Variants in ZNF33A observed in about 807,000 individuals in gnomAD.
ZNF33A encodes the protein brain my041 protein.
A neutral mutation model predicts 15.9 loss-of-function variants in ZNF33A; 9 were observed. The observed-to-expected ratio is 0.57, with a 90% CI of 0.34 to 0.99. The LOEUF is 0.99. ZNF33A is among the 50% of genes least tolerant of loss of function. The pLI is 0.02. For missense variants in ZNF33A, 843 were observed against 941.6 expected (o/e 0.90, Z 1.37); for synonymous variants, 294 against 324.2 (o/e 0.91, Z 1.00).
In ZNF33A at chr10:38,054,762, A is replaced by ATGCTTT; in HGVS notation, c.638_639insTGCTTT (p.Gln213delinsHisAlaLeu). On this transcript the variant is annotated protein_altering_variant, in exon 5 of 5. Transcript: ENST00000432900. ...GAGACTTTGCAGCATGAGAAGATTC[A>ATGCTTT]AACTTTAGAGCACAATTTTGAATAC... is the stretch of plus-strand genomic sequence containing the variant. 1.2e-6 allele frequency: 2 copies of ATGCTTT among 1,613,624 alleles called. No homozygotes were observed. Among genetic ancestry groups the ATGCTTT allele is most frequent in the Non-Finnish European group, 1.7e-6 (2 of 1,179,916 alleles).
In ZNF33A at chr10:38,014,047, T is replaced by G. The variant is rs2064330355; in HGVS notation, c.9+1697T>G. 5.8e-5 allele frequency among the ~76,000 whole-genome samples: 6 copies of G among 102,890 alleles called. No homozygotes were observed. In the South Asian group the frequency reaches 1.8e-3, roughly 31 times the overall value. 67.5% of individuals were successfully genotyped at this position (102,890 alleles called of 152,430 possible). ...TTAATGATGTCTGATTTTTTTTTTT[T>G]TTTTTTTTTTTTTTTTGGAGAGAGT... On this transcript the variant is annotated intron_variant, in intron 2 of 4. Transcript: ENST00000432900.
At chr10:38,012,660 G>C (rs1260571629) in intron 2 of ZNF33A, among the ~76,000 whole-genome samples, 7 of 152,090 alleles carry the variant, frequency 4.6e-5, no homozygotes, top group African/African-American at 1.7e-4. Context: ...GCAAACTCCT[G>C]AGCTCAGTCA....
At chr10:38,021,363 T>G (rs1259042565) in intron 4 of ZNF33A, among the ~76,000 whole-genome samples, 1 of 72,850 alleles carries the variant, frequency 1.4e-5, no homozygotes, top group Non-Finnish European at 2.9e-5. Context: ...AAAAGCACAT[T>G]TTTAATTGTA....
At chr10:38,036,611 A>T (rs1237744440) in intron 4 of ZNF33A, among the ~76,000 whole-genome samples, 1 of 152,180 alleles carries the variant, frequency 6.6e-6, no homozygotes, top group Non-Finnish European at 1.5e-5. Context: ...GTAAAAAAAA[A>T]ATCTACAAGA....
chr10:38,011,910 A>AT (rs1296117709), intron 1 of ZNF33A, among the ~76,000 whole-genome samples: 1 of 152,174 alleles, frequency 6.6e-6, no homozygotes, highest in Non-Finnish European at 1.5e-5. Flanking sequence ...GCTTAGTCCT[A>AT]TTTTTTACAA....
chr10:38,024,376 G>C (rs1320498076), intron 4 of ZNF33A, among the ~76,000 whole-genome samples: 1 of 152,070 alleles, frequency 6.6e-6, no homozygotes, highest in Non-Finnish European at 1.5e-5. Flanking sequence ...GGACTTTTGT[G>C]CTGAAAATTA....
intron 4 of ZNF33A, among the ~76,000 whole-genome samples, chr10:38,046,133 A>C (rs1473505698): frequency 6.6e-6 from 1 of 152,174 alleles, no homozygotes; most frequent in Non-Finnish European, 1.5e-5. Context: ...GCCTTTTGGC[A>C]GTTCTTTTCT....
chr10:38,067,306 T>C (rs2066717282), downstream of ZNF33A, among the ~76,000 whole-genome samples: 1 of 152,168 alleles, frequency 6.6e-6, no homozygotes. Context: ...TCTTTTTTCT[T>C]TGACCCCAAG....
At position 38,057,832 on chromosome 10, in the gene ZNF33A, C is replaced by T. The variant is rs2066547816; in HGVS notation, c.*1272C>T. On this transcript the variant is annotated 3_prime_UTR_variant, in exon 5 of 5. Transcript: ENST00000432900. Reference sequence around the variant, plus strand: ...CAAGACAGGGCCCTGGAAAGGCCCACACATACAGCCCAGGGCTGCCCAGGG... The same window carrying T: ...CAAGACAGGGCCCTGGAAAGGCCCATACATACAGCCCAGGGCTGCCCAGGG... 1 of 985,438 alleles carries T rather than the reference C, an allele frequency of 1.0e-6. No individual in the cohort carries two copies. The highest frequency in any genetic ancestry group is 1.7e-5 in the African/African-American group (1 of 57,354). 61.0% of individuals were successfully genotyped at this position (985,438 alleles called of 1,614,324 possible).
intron 4 of ZNF33A, among the ~76,000 whole-genome samples, chr10:38,048,720 G>T (rs2066066894): frequency 6.6e-6 from 1 of 152,080 alleles, no homozygotes; most frequent in African/African-American, 2.4e-5. Flanking sequence ...TCATCGAGAG[G>T]ATTTAACAAT....
intron 4 of ZNF33A, among the ~76,000 whole-genome samples, chr10:38,032,814 C>T (rs1341615610): frequency 6.6e-6 from 1 of 151,868 alleles, no homozygotes; most frequent in Non-Finnish European, 1.5e-5. Context: ...GTGGCGCGAT[C>T]TTGGCTCACT....
chr10:38,056,933 GTAA>G lies in ZNF33A; in HGVS notation c.*378_*380del. 1 of 944,430 alleles carries G rather than the reference GTAA, an allele frequency of 1.1e-6. No homozygotes were observed. The highest frequency in any genetic ancestry group is 4.8e-5 in the South Asian group (1 of 20,720). The allele number at this position is 944,430 out of a possible 1,614,324, so 58.5% of individuals were successfully genotyped here. On this transcript the variant is annotated 3_prime_UTR_variant, in exon 5 of 5. Transcript: ENST00000432900. ...TAAAGCTTTAAGAACTTAAACAAAG[GTAA>G]TAATTAAAATAACCTCACAAGAAGT... is the stretch of plus-strand genomic sequence containing the variant.
In ZNF33A at chr10:38,057,603, A is replaced by G. The variant is rs1402700398; in HGVS notation, c.*1043A>G. 3.1e-6 allele frequency: 3 copies of G among 983,274 alleles called. No homozygotes were observed. Among genetic ancestry groups the G allele is most frequent in the Non-Finnish European group, 3.6e-6 (3 of 827,938 alleles). The allele number at this position is 983,274 out of a possible 1,614,324, so 60.9% of individuals were successfully genotyped here. On this transcript the variant is annotated 3_prime_UTR_variant, in exon 5 of 5. Transcript: ENST00000432900. ...AGACCCACAGAGCTAATGTTTATCC[A>G]TTTAAAAGGTATAAATCAAAATAAC...
downstream of ZNF33A, among the ~76,000 whole-genome samples, chr10:38,065,343 T>C (rs752492336): frequency 2.1e-4 from 32 of 152,294 alleles, no homozygotes; most frequent in Non-Finnish European, 4.0e-4. Context: ...GTGCTGAGAT[T>C]ACAGGCATGA....
downstream of ZNF33A, among the ~76,000 whole-genome samples, chr10:38,062,552 T>C (rs2066667527): frequency 1.3e-5 from 2 of 152,298 alleles, no homozygotes; most frequent in South Asian, 4.1e-4. Flanking sequence ...GCATGCAGCC[T>C]CTGTGTATGT....
Position 38,059,999 on chromosome 10 carries a change from C to G in ZNF33A, c.*3439C>G, listed in dbSNP as rs1474630170. On this transcript the variant is annotated 3_prime_UTR_variant, in exon 5 of 5. Transcript: ENST00000432900. ...TACTTTTTGCTCAACTTTCTGTAAC[C>G]CTAAAGCTACTCTAAAAAATGAAGT... 4.2e-6 allele frequency: 4 copies of G among 955,626 alleles called. No individual in the cohort carries two copies. The highest frequency in any genetic ancestry group is 1.2e-4 in the East Asian group (1 of 8,650). 59.2% of individuals were successfully genotyped at this position (955,626 alleles called of 1,614,324 possible). A position where few individuals can be genotyped will look rare whatever the true frequency, so the allele number is the denominator to read the frequency against.
intron 4 of ZNF33A, among the ~76,000 whole-genome samples, chr10:38,037,430 TCTCCTGCCTCAGC>T (rs1273265442): frequency 6.6e-6 from 1 of 151,938 alleles, no homozygotes; most frequent in East Asian, 1.9e-4. Flanking sequence ...TTCACGCAAG[TCTCCTGCCTCAGC>T]CTCCTGAGTA....
chr10:38,016,058 A>G lies in ZNF33A; in HGVS notation c.10-813A>G, dbSNP rs2064438229. ...GTACTCCACAGAGGTTTCAAATATAATGGTTCCAAAATCTTTCCATTTTCT... is the reference window on the plus strand; with the variant it reads ...GTACTCCACAGAGGTTTCAAATATAGTGGTTCCAAAATCTTTCCATTTTCT... On this transcript the variant is annotated intron_variant, in intron 2 of 4. Transcript: ENST00000432900. 4.1e-6 allele frequency: 5 copies of G among 1,220,418 alleles called. No homozygotes were observed. In the East Asian group the frequency reaches 1.6e-4, roughly 39 times the overall value. 75.6% of individuals were successfully genotyped at this position (1,220,418 alleles called of 1,614,324 possible). A position where few individuals can be genotyped will look rare whatever the true frequency, so the allele number is the denominator to read the frequency against.
At chr10:38,035,250 C>T (rs1026008016) in intron 4 of ZNF33A, among the ~76,000 whole-genome samples, 10 of 150,836 alleles carry the variant, frequency 6.6e-5, no homozygotes, top group South Asian at 4.2e-4. Flanking sequence ...CTCAAGTAGC[C>T]GGGACTACAG....
Sources: gnomAD v4.1 joint callset for allele counts (sites outside exome capture counted in the v4.1 genomes callset) on GRCh38, gnomAD v4.1.1 for gene constraint, MANE v1.5 for transcripts, NCBI Gene and HGNC (gene_info 2026-07-23, HGNC 2026-07-21) for gene names.